LCN12: variants seen among roughly 807,000 people sequenced by gnomAD.
The protein encoded by LCN12 is epididymal-specific lipocalin-12.
A neutral mutation model predicts 23.7 loss-of-function variants in LCN12; 15 were observed. The observed-to-expected ratio is 0.63, with a 90% CI of 0.42 to 0.97. The LOEUF is 0.97. LCN12 is among the 50% of genes least tolerant of loss of function. The pLI, the probability that LCN12 is intolerant of heterozygous loss-of-function variation, is 0.00. For synonymous variants in LCN12, 116 were observed against 111.5 expected, an observed-to-expected ratio of 1.04 and a Z score of -0.25; for missense variants, 219 against 249.6, an observed-to-expected ratio of 0.88 and a Z score of 0.83.
chr9:136,952,859 C>G (rs1419246452), intron 1 of LCN12, 33 bp from the exon 2 acceptor site: 1 of 1,586,908 alleles, frequency 6.3e-7, no homozygotes, highest in African/African-American at 1.3e-5. Flanking sequence ...CACCCCTGCC[C>G]ACCGCCGCCC....
At chr9:136,955,038 G>T in intron 5 of LCN12, 2 of 1,391,996 alleles carry the variant, frequency 1.4e-6, no homozygotes, top group Non-Finnish European at 1.9e-6. Context: ...ACAGGCACAC[G>T]TGCTGGTCTG....
chr9:136,952,807 T>C, intron 1 of LCN12, 85 bp from the exon 2 acceptor site: 1 of 1,455,740 alleles, frequency 6.9e-7, no homozygotes, highest in Non-Finnish European at 9.2e-7. Context: ...GTCCAGAAGC[T>C]GCCAGGGAGG....
At chr9:136,952,862 C>A in intron 1 of LCN12, 30 bp from the exon 2 acceptor site, 2 of 1,591,848 alleles carry the variant, frequency 1.3e-6, no homozygotes, top group South Asian at 2.2e-5. Context: ...CCCTGCCCAC[C>A]GCCGCCCCTG....
rs1180317296 is a variant in LCN12, at chr9:136,954,230, C to A, written c.525C>A (p.Asp175Glu). The part of the protein sequence containing the change: ...CLGRAQGLSD[D>E]NIVFPDVTGW... Reference sequence around the variant, plus strand: ...GCAGAGCTCAGGGCCTCTCGGATGACAACATCGTCTTCCCAGATGTGACTG... The same window carrying A: ...GCAGAGCTCAGGGCCTCTCGGATGAAAACATCGTCTTCCCAGATGTGACTG... Residue 175 changes from aspartate (D) to glutamate (E), a missense_variant, in exon 5 of 6, where the codon GAC becomes GAA. Physicochemically the swap from Asp to Glu is conservative, Grantham distance 45. Coordinates refer to ENST00000371633, the MANE Select transcript of LCN12 (RefSeq NM_178536.4). The A allele has an allele frequency of 1.3e-6, 2 of 1,577,522 alleles. No homozygotes were observed. The highest frequency in any genetic ancestry group is 1.2e-5 in the South Asian group (1 of 86,032).
chr9:136,956,083 C>T (rs1023504321), downstream of LCN12, among the ~76,000 whole-genome samples: 4 of 152,134 alleles, frequency 2.6e-5, no homozygotes, highest in Non-Finnish European at 5.9e-5. Flanking sequence ...CCTGACTGTA[C>T]ACCCCTGCAA....
At chr9:136,956,328 A>C (rs531583836), downstream of LCN12, among the ~76,000 whole-genome samples, 34 of 152,284 alleles carry the variant, frequency 2.2e-4, no homozygotes, top group African/African-American at 8.2e-4. Context: ...CGCTACTCAG[A>C]AGCATGGCCC....
At chr9:136,954,013 T>C (rs1254771643) in intron 4 of LCN12, 49 bp downstream of exon 4, 1 of 1,589,062 alleles carries the variant, frequency 6.3e-7, no homozygotes, top group Non-Finnish European at 8.5e-7. Flanking sequence ...TGGAGGCACC[T>C]CCTTCCAGGC....
At chr9:136,953,419 G>A (rs1397091086) in intron 2 of LCN12, 7 of 457,814 alleles carry the variant, frequency 1.5e-5, no homozygotes, top group Non-Finnish European at 2.4e-5. Flanking sequence ...GGGGCCGGGC[G>A]CGGTGGCGCA....
intron 5 of LCN12, chr9:136,955,036 A>G (rs1851290786): frequency 1.4e-6 from 2 of 1,390,714 alleles, no homozygotes; most frequent in Admixed American, 6.0e-5. Context: ...GCACAGGCAC[A>G]CGTGCTGGTC....
chr9:136,952,718 C>T, intron 1 of LCN12, 174 bp from the exon 2 acceptor site: 1 of 734,922 alleles, frequency 1.4e-6, no homozygotes, highest in Non-Finnish European at 2.2e-6. Context: ...TCACCATGTC[C>T]CTGCCAGACC....
At chr9:136,953,073 G>A (rs1328205180) in intron 2 of LCN12, 45 bp downstream of exon 2, 8 of 1,606,836 alleles carry the variant, frequency 5.0e-6, no homozygotes, top group Admixed American at 3.3e-5. Context: ...GGAGGATCCC[G>A]GGCCTGGGTC....
At chr9:136,953,094 G>A in intron 2 of LCN12, 66 bp downstream of exon 2, 1 of 1,595,588 alleles carries the variant, frequency 6.3e-7, no homozygotes, top group East Asian at 2.2e-5. Context: ...CCAGCCGCCA[G>A]TGGCTCAGGT....
intron 2 of LCN12, chr9:136,953,478 G>A (rs1851225509): frequency 1.8e-6 from 1 of 544,704 alleles, no homozygotes; most frequent in East Asian, 3.2e-5. Flanking sequence ...GCGCACACCT[G>A]TAATCCCAGT....
In LCN12 at chr9:136,952,405, A is replaced by G. The variant is rs1443469232; in HGVS notation, c.78A>G (p.Pro26=). The change falls in exon 1 of 6, where the codon CCA becomes CCG. Residue 26 remains proline, a synonymous_variant. Coordinates refer to ENST00000371633, the MANE Select transcript of LCN12 (RefSeq NM_178536.4). ...AGGCCCAGACCCCAACCCCCCTGCC[A>G]CTCCCGCCCCCGATGCAGAGCTTCC... ...VLQAQTPTPL[P]LPPPMQSFQG... 1 of 1,589,002 alleles carries G rather than the reference A, an allele frequency of 6.3e-7. No individual in the cohort carries two copies. The highest frequency in any genetic ancestry group is 1.4e-5 in the African/African-American group (1 of 72,562).
intron 1 of LCN12, 73 bp from the exon 2 acceptor site, chr9:136,952,819 C>T (rs973764050): frequency 2.9e-5 from 38 of 1,303,892 alleles, no homozygotes; most frequent in East Asian, 7.3e-5. Flanking sequence ...CCAGGGAGGG[C>T]GGGAGGGGGC....
intron 5 of LCN12, chr9:136,954,987 C>T: frequency 7.5e-7 from 1 of 1,329,668 alleles, no homozygotes; most frequent in Non-Finnish European, 9.7e-7. Context: ...CCCACTTACA[C>T]ACACGCCACT....
chr9:136,955,643 G>A (rs1277565459), downstream of LCN12: 20 of 507,968 alleles, frequency 3.9e-5, no homozygotes, highest in Non-Finnish European at 7.0e-5. Flanking sequence ...GTGTGACTCT[G>A]TCAGTGAGGG....
At chr9:136,949,369 C>T (rs4880171), upstream of LCN12, among the ~76,000 whole-genome samples, 21,252 of 152,270 alleles carry the variant, frequency 0.14, 1,591 homozygotes, top group African/African-American at 0.18. Flanking sequence ...CTGTGTGGGG[C>T]CCCGGGAGCC....
At chr9:136,950,218 G>C (rs868046915), upstream of LCN12, among the ~76,000 whole-genome samples, 1 of 152,200 alleles carries the variant, frequency 6.6e-6, no homozygotes. Flanking sequence ...GGGAGGAGGC[G>C]CGCCGAACCC....
Sources: allele counts gnomAD v4.1 joint callset (sites outside exome capture counted in the v4.1 genomes callset), GRCh38; gene constraint gnomAD v4.1.1; transcripts MANE v1.5; gene names NCBI Gene and HGNC (gene_info 2026-07-23, HGNC 2026-07-21).